The following BAZ2B variants were observed in gnomAD, a reference collection of about 807,000 sequenced individuals.
BAZ2B encodes bromodomain adjacent to zinc finger domain protein 2B.
BAZ2B carries 91 observed loss-of-function variants against 246.0 expected under a neutral mutation model. That is an observed-to-expected ratio of 0.37 (90% CI 0.31 to 0.44). BAZ2B has a LOEUF of 0.44. Among genes scored for constraint, BAZ2B ranks in the 20% least tolerant of loss-of-function variants. The pLI is 1.00. For synonymous variants in BAZ2B, 855 were observed against 860.0 expected, an observed-to-expected ratio of 0.99 and a Z score of 0.10; for missense variants, 2,332 against 2,533.7, an observed-to-expected ratio of 0.92 and a Z score of 1.71.
the BAZ2B span, among the ~76,000 whole-genome samples, chr2:159,711,092 T>C: frequency 5.5e-4 from 84 of 152,230 alleles, no homozygotes; most frequent in African/African-American, 1.9e-3. Context: ...AGGAATTGCT[T>C]GAGATAACAA....
At chr2:159,674,006 C>T in the BAZ2B span, among the ~76,000 whole-genome samples, 2 of 148,428 alleles carry the variant, frequency 1.3e-5, no homozygotes, top group East Asian at 3.9e-4. Context: ...TATTTAAGAA[C>T]ATTTAAGAGT....
Position 159,341,061 on chromosome 2 carries a change from A to G in BAZ2B, c.5455-3289T>C, listed in dbSNP as rs537762173. 3.9e-5 allele frequency among the ~76,000 whole-genome samples: 6 copies of G among 152,272 alleles called. No individual in the cohort carries two copies. The East Asian group carries it at 9.6e-4, about 24-fold the overall frequency. On this transcript the variant is annotated intron_variant, in intron 31 of 36. Transcript: ENST00000392783. ...TGAATGTAAATGAATTAAATTTCCC[A>G]TTTAAAAGACATAGACTGGCTGGAT...
chr2:159,707,010 AT>A, the BAZ2B span, among the ~76,000 whole-genome samples: 1 of 152,244 alleles, frequency 6.6e-6, no homozygotes, highest in African/African-American at 2.4e-5. Context: ...TTTCAAACTT[AT>A]CAGCTTCCAC....
chr2:159,490,114 A>G (rs1009430353), intron 2 of BAZ2B, among the ~76,000 whole-genome samples: 2 of 152,224 alleles, frequency 1.3e-5, no homozygotes, highest in African/African-American at 4.8e-5. Flanking sequence ...AAAATTTCAT[A>G]AATGCTAGCG....
intron 3 of BAZ2B, chr2:159,461,330 T>C (rs1227493907): frequency 3.9e-5 from 6 of 152,646 alleles, no homozygotes; most frequent in African/African-American, 1.2e-4. Flanking sequence ...TGGGACAGGT[T>C]ATTTTATCAC....
the BAZ2B span, among the ~76,000 whole-genome samples, chr2:159,643,422 A>G: frequency 6.6e-6 from 1 of 152,260 alleles, no homozygotes; most frequent in African/African-American, 2.4e-5. Context: ...TCATTCTTAC[A>G]ATCTCACTTA....
rs2065767912 is a variant in BAZ2B, at chr2:159,336,885, TG to T, written c.5796+56del. On this transcript the variant is annotated intron_variant, in intron 33 of 36. Transcript: ENST00000392783. ...GTATAATTAAGAAAGATCTGGAGGT[TG>T]GAAGAAACAGGACAAAGTAAATTAG... 34 of 1,402,776 alleles carry T rather than the reference TG, an allele frequency of 2.4e-5. 1 individual carries two copies. The South Asian group carries it at 4.0e-4, about 16-fold the overall frequency. 86.9% of individuals were successfully genotyped at this position (1,402,776 alleles called of 1,614,324 possible).
At position 159,386,420 on chromosome 2, in the gene BAZ2B, A is replaced by G; in HGVS notation, c.3404T>C (p.Val1135Ala). 1 of 1,613,432 alleles carries G rather than the reference A, an allele frequency of 6.2e-7. No homozygotes were observed. Among genetic ancestry groups the G allele is most frequent in the Non-Finnish European group, 8.5e-7 (1 of 1,179,610 alleles). ...LLNIGDSMGE[V>A]QDLLVRLLSA... ...GAGGAGCCTCACAAGCAAGTCTTGT[A>G]CTTCACCCATGCTGTCCCCTATATT... is the stretch of plus-strand genomic sequence containing the variant. The change falls in exon 22 of 37, where the codon GTA becomes GCA. Residue 1135 changes from valine to alanine, a missense_variant. This residue lies in a region of BAZ2B where 328 missense variants were observed against 410.4 expected (regional missense o/e 0.80). Transcript: ENST00000392783.
intron 1 of BAZ2B, among the ~76,000 whole-genome samples, chr2:159,578,360 G>T (rs768537047): frequency 4.6e-5 from 7 of 152,130 alleles, no homozygotes; most frequent in Non-Finnish European, 7.4e-5. Flanking sequence ...GGTAAAATAA[G>T]TTCAGAAAAT....
chr2:159,524,058 C>G (rs1250324087), intron 2 of BAZ2B, among the ~76,000 whole-genome samples: 1 of 152,060 alleles, frequency 6.6e-6, no homozygotes, highest in Admixed American at 6.5e-5. Flanking sequence ...CAAGAATTTA[C>G]ACTCAGCAAA....
intron 1 of BAZ2B, among the ~76,000 whole-genome samples, chr2:159,560,506 G>A (rs2089722093): frequency 6.6e-6 from 1 of 151,858 alleles, no homozygotes; most frequent in African/African-American, 2.4e-5. Context: ...GTTAAGGACT[G>A]TCATTCTCTT....
chr2:159,570,246 G>A (rs757997184), intron 1 of BAZ2B, among the ~76,000 whole-genome samples: 7 of 149,852 alleles, frequency 4.7e-5, no homozygotes, highest in African/African-American at 7.4e-5. Flanking sequence ...GTGCAGTGGC[G>A]CAATTTCAGC....
intron 2 of BAZ2B, among the ~76,000 whole-genome samples, chr2:159,527,562 CTAAAAGCTT>C (rs2084895448): frequency 6.6e-6 from 1 of 152,164 alleles, no homozygotes; most frequent in South Asian, 2.1e-4. Flanking sequence ...ATGTTTTCTT[CTAAAAGCTT>C]TATATTTCTA....
chr2:159,487,000 A>C (rs2079913089), intron 2 of BAZ2B, among the ~76,000 whole-genome samples: 1 of 152,136 alleles, frequency 6.6e-6, no homozygotes. Context: ...TTCTAGAAAA[A>C]CATGTAAGAA....
rs183332579 is a variant in BAZ2B, at chr2:159,510,106, T to C, written c.-2-31385A>G. Among the ~76,000 whole-genome samples the C allele has an allele frequency of 1.9e-3, 288 of 152,282 alleles. 1 individual carries two copies. Among genetic ancestry groups the C allele is most frequent in the Middle Eastern group, 3.4e-3 (1 of 294 alleles). On this transcript the variant is annotated intron_variant, in intron 2 of 36. Coordinates refer to ENST00000392783, the MANE Select transcript of BAZ2B (RefSeq NM_013450.4). ...GAAAAATATGTAGAAGAGGAAAATT[T>C]GCAGAGATGGAAAGTAGATTAGAGG... is the stretch of plus-strand genomic sequence containing the variant.
chr2:159,387,336 C>T (rs572607862), intron 21 of BAZ2B, among the ~76,000 whole-genome samples: 6 of 152,074 alleles, frequency 3.9e-5, no homozygotes, highest in Non-Finnish European at 8.8e-5. Context: ...ATTGCAGTAC[C>T]AGTTGTCATC....
intron 1 of BAZ2B, among the ~76,000 whole-genome samples, chr2:159,597,894 G>C (rs540836179): frequency 6.6e-6 from 1 of 152,170 alleles, no homozygotes; most frequent in African/African-American, 2.4e-5. Context: ...CCCCCAATCA[G>C]ATCCTAAATA....
chr2:159,683,970 A>G, the BAZ2B span, among the ~76,000 whole-genome samples: 1 of 152,218 alleles, frequency 6.6e-6, no homozygotes, highest in Non-Finnish European at 1.5e-5. Context: ...CAGCCTACAC[A>G]GTAGGCAACC....
At chr2:159,329,753 C>CA (rs2064388593) in intron 34 of BAZ2B, among the ~76,000 whole-genome samples, 1 of 151,848 alleles carries the variant, frequency 6.6e-6, no homozygotes, top group South Asian at 2.1e-4. Context: ...ATTTAAAAAA[C>CA]AAAAAAAGCA....
Sources: gnomAD v4.1 joint callset for allele counts (sites outside exome capture counted in the v4.1 genomes callset) on GRCh38, gnomAD v4.1.1 for gene constraint, gnomAD v4.1.1 regional missense constraint, MANE v1.5 for transcripts, NCBI Gene and HGNC (gene_info 2026-07-23, HGNC 2026-07-21) for gene names.